SCOC: variants seen among roughly 807,000 people sequenced by gnomAD.
The protein encoded by SCOC is short coiled-coil protein.
Under a neutral mutation model 9.9 loss-of-function variants are expected in SCOC, and 7 were observed. The observed-to-expected ratio is 0.71, with a 90% CI of 0.40 to 1.33. The LOEUF is 1.33. Among genes scored for constraint, SCOC ranks in the 40% most tolerant of loss-of-function variants. SCOC has a pLI of 0.01. For synonymous variants in SCOC, 19 were observed against 28.2 expected (o/e 0.67, Z 1.03); for missense variants, 66 against 89.7 (o/e 0.74, Z 1.07).
chr4:140,346,284 G>C (rs920996432), intron 2 of SCOC, among the ~76,000 whole-genome samples: 1 of 152,182 alleles, frequency 6.6e-6, no homozygotes, highest in Non-Finnish European at 1.5e-5. Context: ...TGGCCTTGGT[G>C]ATTGTCCAGA....
chr4:140,260,818 A>G (rs138475633), intron 1 of SCOC, among the ~76,000 whole-genome samples: 2 of 152,360 alleles, frequency 1.3e-5, no homozygotes, highest in African/African-American at 4.8e-5. Flanking sequence ...ACACACTGTG[A>G]GAGAGAAAAG....
chr4:140,376,554 TC>T (rs1489883196), intron 1 of SCOC: 1 of 152,210 alleles, frequency 6.6e-6, no homozygotes, highest in Non-Finnish European at 1.5e-5. Context: ...ATAGCACTGT[TC>T]TTGTGGCACT....
chr4:140,335,062 T>A (rs1278982582), intron 1 of SCOC, among the ~76,000 whole-genome samples: 1 of 152,258 alleles, frequency 6.6e-6, no homozygotes, highest in African/African-American at 2.4e-5. Context: ...TATATATACA[T>A]GTAAGAAATC....
intron 2 of SCOC, among the ~76,000 whole-genome samples, chr4:140,355,248 T>TAA (rs1560716631): frequency 3.4e-5 from 5 of 146,968 alleles, no homozygotes; most frequent in East Asian, 2.0e-4. Flanking sequence ...TATATATATA[T>TAA]AATGTATATA....
intron 2 of SCOC, among the ~76,000 whole-genome samples, chr4:140,354,509 CTTTTTTTTTTT>C (rs397878492): frequency 9.6e-6 from 1 of 103,730 alleles, no homozygotes. Context: ...TCTCAAAGAA[CTTTTTTTTTTT>C]TTTTTTTTTT....
chr4:140,320,574 A>G (rs189493215), intron 1 of SCOC, among the ~76,000 whole-genome samples: 20 of 151,794 alleles, frequency 1.3e-4, no homozygotes, highest in African/African-American at 4.6e-4. Context: ...CAGAGGGTTC[A>G]CACTGTCTTA....
At chr4:140,332,835 A>G (rs563279478) in intron 1 of SCOC, among the ~76,000 whole-genome samples, 70 of 152,228 alleles carry the variant, frequency 4.6e-4, no homozygotes, top group African/African-American at 1.5e-3. Context: ...GATTACTGCA[A>G]TAGTCTTCTA....
upstream of SCOC, chr4:140,373,430 C>T: frequency 6.6e-7 from 1 of 1,517,290 alleles, no homozygotes. Flanking sequence ...GTTCCAGGTC[C>T]CGCCCACAGC....
chr4:140,300,254 T>G (rs1440546841), intron 1 of SCOC, among the ~76,000 whole-genome samples: 2 of 152,186 alleles, frequency 1.3e-5, no homozygotes, highest in Non-Finnish European at 2.9e-5. Context: ...ATAAAGAGTG[T>G]CAGGGAGATA....
intron 2 of SCOC, among the ~76,000 whole-genome samples, chr4:140,357,103 G>A (rs980051673): frequency 2.6e-5 from 4 of 152,190 alleles, no homozygotes; most frequent in African/African-American, 9.6e-5. Context: ...TGGAGTAGCT[G>A]AGACTACAGG....
intron 1 of SCOC, among the ~76,000 whole-genome samples, chr4:140,264,237 C>T (rs1015245855): frequency 5.3e-5 from 8 of 152,084 alleles, no homozygotes; most frequent in Admixed American, 3.9e-4. Context: ...CTTCCAGCTC[C>T]AGTGATCATC....
upstream of SCOC, among the ~76,000 whole-genome samples, chr4:140,370,073 G>C (rs1011154005): frequency 2.6e-4 from 40 of 151,856 alleles, no homozygotes; most frequent in African/African-American, 8.2e-4. Flanking sequence ...TTACATTTTA[G>C]TTTAAAATTA....
intron 1 of SCOC, among the ~76,000 whole-genome samples, chr4:140,301,048 AG>A (rs1393361746): frequency 3.9e-5 from 6 of 152,184 alleles, no homozygotes; most frequent in Non-Finnish European, 7.3e-5. Context: ...CTTATAACAA[AG>A]GAGCGAAGGT....
intron 2 of SCOC, among the ~76,000 whole-genome samples, chr4:140,347,851 G>A (rs779299336): frequency 3.9e-5 from 6 of 151,964 alleles, no homozygotes; most frequent in Non-Finnish European, 7.4e-5. Flanking sequence ...TCTTACTATG[G>A]TTTATTTCAC....
chr4:140,303,893 T>C (rs1401326471), intron 1 of SCOC, among the ~76,000 whole-genome samples: 1 of 152,186 alleles, frequency 6.6e-6, no homozygotes, highest in East Asian at 1.9e-4. Flanking sequence ...CGGTGCCACC[T>C]CCGTTACCTA....
At chr4:140,267,849 C>G (rs1015871012) in intron 1 of SCOC, among the ~76,000 whole-genome samples, 1 of 152,172 alleles carries the variant, frequency 6.6e-6, no homozygotes, top group African/African-American at 2.4e-5. Context: ...CCTCAAAGTC[C>G]TGTCTGGAAT....
chr4:140,365,404 T>C (rs971736348), intron 2 of SCOC, among the ~76,000 whole-genome samples: 19 of 152,216 alleles, frequency 1.2e-4, no homozygotes, highest in African/African-American at 3.6e-4. Flanking sequence ...TGCTTTTGAC[T>C]TCTTGGACAA....
At chr4:140,329,465 T>G (rs893204788) in intron 1 of SCOC, among the ~76,000 whole-genome samples, 1 of 152,062 alleles carries the variant, frequency 6.6e-6, no homozygotes, top group Non-Finnish European at 1.5e-5. Context: ...TTAATTAAAC[T>G]AAAAAGCTTC....
Position 140,381,195 on chromosome 4 carries a change from G to A in SCOC, c.*91G>A. The A allele has an allele frequency of 8.0e-7, 1 of 1,242,460 alleles. No individual in the cohort carries two copies. Among genetic ancestry groups the A allele is most frequent in the Non-Finnish European group, 1.1e-6 (1 of 900,934 alleles). 77.0% of individuals were successfully genotyped at this position (1,242,460 alleles called of 1,614,324 possible). Reference sequence around the variant, plus strand: ...TTCCAAAAGTTACAGTACCTTTGTGGCTTCATTGAATATTTATGAAGATAA... The same window carrying A: ...TTCCAAAAGTTACAGTACCTTTGTGACTTCATTGAATATTTATGAAGATAA... On this transcript the variant is annotated 3_prime_UTR_variant, in exon 4 of 4. Coordinates refer to ENST00000608372, the MANE Select transcript of SCOC (RefSeq NM_001153484.2).
Sources: allele counts gnomAD v4.1 joint callset (sites outside exome capture counted in the v4.1 genomes callset), GRCh38; gene constraint gnomAD v4.1.1; transcripts MANE v1.5; gene names NCBI Gene and HGNC (gene_info 2026-07-23, HGNC 2026-07-21).